Variants in HCRTR2 observed in about 807,000 individuals in gnomAD.
HCRTR2 encodes orexin receptor type 2.
A neutral mutation model predicts 49.0 loss-of-function variants in HCRTR2; 22 were observed. That is an observed-to-expected ratio of 0.45 (90% CI 0.32 to 0.64). HCRTR2 has a LOEUF of 0.64. Ranked by LOEUF, HCRTR2 falls within the 30% of genes least tolerant of loss-of-function variation. The pLI, the probability that HCRTR2 is intolerant of heterozygous loss-of-function variation, is 0.04. For missense variants in HCRTR2, 491 were observed against 559.4 expected (o/e 0.88, Z 1.23); for synonymous variants, 236 against 205.3 (o/e 1.15, Z -1.28).
At chr6:55,183,815 G>A (rs1019729373) in intron 1 of HCRTR2, among the ~76,000 whole-genome samples, 1 of 152,092 alleles carries the variant, frequency 6.6e-6, no homozygotes, top group African/African-American at 2.4e-5. Context: ...AACATAAAGT[G>A]AGAAAACGAA....
chr6:55,123,267 T>A (rs1292123527), intron 1 of HCRTR2, among the ~76,000 whole-genome samples: 1 of 152,118 alleles, frequency 6.6e-6, no homozygotes, highest in Non-Finnish European at 1.5e-5. Context: ...TGTAGGTTTG[T>A]CATAAATAGC....
At chr6:55,153,997 A>G (rs748180906) in intron 1 of HCRTR2, among the ~76,000 whole-genome samples, 36 of 151,952 alleles carry the variant, frequency 2.4e-4, no homozygotes, top group Non-Finnish European at 4.6e-4. Context: ...ATTATGAACA[A>G]CTATACACCA....
chr6:55,168,949 A>G (rs184722767), intron 1 of HCRTR2, among the ~76,000 whole-genome samples: 1 of 151,300 alleles, frequency 6.6e-6, no homozygotes, highest in Admixed American at 6.6e-5. Flanking sequence ...TCTGGCACCA[A>G]CTCCCTCTCT....
chr6:55,211,058 G>A (rs903344588), intron 1 of HCRTR2, among the ~76,000 whole-genome samples: 5 of 152,072 alleles, frequency 3.3e-5, no homozygotes, highest in African/African-American at 1.2e-4. Context: ...ACAGTGTTCA[G>A]TACAGTTACA....
chr6:55,280,598 A>G, intron 6 of HCRTR2, 154 bp downstream of exon 6: 2 of 462,912 alleles, frequency 4.3e-6, no homozygotes, highest in South Asian at 1.8e-4. Flanking sequence ...TTTGAGGCAA[A>G]GTATTTGTTA....
Position 55,255,318 on chromosome 6 carries a change from C to T in HCRTR2, c.585C>T (p.Thr195=), listed in dbSNP as rs576784859. The T allele has an allele frequency of 9.5e-5, 154 of 1,613,956 alleles. No individual in the cohort carries two copies. In the South Asian group the frequency reaches 1.3e-3, roughly 14 times the overall value. The change falls in exon 3 of 7, where the codon ACC becomes ACT. Residue 195 remains threonine, a synonymous_variant. Transcript: ENST00000370862. ...IPQAIVMECS[T]VFPGLANKTT... is the part of the protein sequence containing the mutation. ...AGGCCATCGTCATGGAGTGCAGCAC[C>T]GTGTTCCCAGGCTTAGCCAATAAAA...
chr6:55,234,063 A>C (rs1766168035), intron 1 of HCRTR2, among the ~76,000 whole-genome samples: 2 of 152,178 alleles, frequency 1.3e-5, no homozygotes, highest in Admixed American at 1.3e-4. Context: ...TGTTGTTTTC[A>C]GCCTTCATCT....
intron 1 of HCRTR2, among the ~76,000 whole-genome samples, chr6:55,195,843 C>T (rs1248050341): frequency 6.6e-6 from 1 of 151,918 alleles, no homozygotes; most frequent in African/African-American, 2.4e-5. Context: ...TGGTGGGTGC[C>T]TGTAGTCCCA....
upstream of HCRTR2, among the ~76,000 whole-genome samples, chr6:55,169,882 G>C (rs115798726): frequency 4.9e-3 from 746 of 151,926 alleles, 10 homozygotes; most frequent in African/African-American, 0.017. Context: ...TTATACCCCA[G>C]CTCCTAGCCG....
chr6:55,138,043 A>T (rs375281699), intron 1 of HCRTR2, among the ~76,000 whole-genome samples: 1 of 152,176 alleles, frequency 6.6e-6, no homozygotes, highest in African/African-American at 2.4e-5. Context: ...ACTGCATTTA[A>T]TGTGCCAGCA....
intron 1 of HCRTR2, among the ~76,000 whole-genome samples, chr6:55,145,330 G>A (rs1376196639): frequency 6.6e-6 from 1 of 151,414 alleles, no homozygotes; most frequent in African/African-American, 2.4e-5. Flanking sequence ...CTCATTCCAC[G>A]TATCCACGGA....
Position 55,263,697 on chromosome 6 carries a change from T to C in HCRTR2, c.647-10T>C. 1 of 1,507,576 alleles carries C rather than the reference T, an allele frequency of 6.6e-7. No homozygotes were observed. The highest frequency in any genetic ancestry group is 1.1e-5 in the South Asian group (1 of 88,826). 93.4% of individuals were successfully genotyped at this position (1,507,576 alleles called of 1,614,324 possible). On this transcript the variant is annotated splice_polypyrimidine_tract_variant and intron_variant, in intron 3 of 6. Transcript: ENST00000370862. The stretch of plus-strand genomic sequence containing the variant: ...AACGTAAGGTTTTGTTGTTTTGACT[T>C]TCATCCTAGGTGAAATTTATCCCAA...
At chr6:55,284,346 CCATCGG>C (rs1300908427), downstream of HCRTR2, among the ~76,000 whole-genome samples, 1 of 152,156 alleles carries the variant, frequency 6.6e-6, no homozygotes, top group Non-Finnish European at 1.5e-5. Context: ...GGTTTCTATA[CCATCGG>C]CATCAGCATC....
intron 1 of HCRTR2, among the ~76,000 whole-genome samples, chr6:55,122,332 T>C (rs886419946): frequency 2.6e-5 from 4 of 152,030 alleles, no homozygotes; most frequent in African/African-American, 9.7e-5. Flanking sequence ...TTTTTTATTG[T>C]GTCTATTTGA....
chr6:55,257,015 A>C (rs946206289), intron 3 of HCRTR2, among the ~76,000 whole-genome samples: 2 of 152,166 alleles, frequency 1.3e-5, no homozygotes, highest in Non-Finnish European at 2.9e-5. Context: ...TTCCAGCAGA[A>C]CATTAAAGAT....
At chr6:55,253,193 A>AGC (rs932379102) in intron 2 of HCRTR2, among the ~76,000 whole-genome samples, 4 of 135,328 alleles carry the variant, frequency 3.0e-5, no homozygotes, top group African/African-American at 1.1e-4. Flanking sequence ...TACTTCATTT[A>AGC]GCACACACAC....
chr6:55,254,976 A>T (rs1041076926), intron 2 of HCRTR2, among the ~76,000 whole-genome samples, 160 bp from the exon 3 acceptor site: 9 of 152,124 alleles, frequency 5.9e-5, no homozygotes, highest in African/African-American at 2.2e-4. Flanking sequence ...TTGTGATATA[A>T]TTTCTTTTTA....
intron 1 of HCRTR2, among the ~76,000 whole-genome samples, chr6:55,201,553 C>T (rs184204032): frequency 7.2e-4 from 109 of 151,994 alleles, no homozygotes; most frequent in African/African-American, 2.5e-3. Context: ...ATTCTTTTTG[C>T]TCATTTATAA....
At chr6:55,170,960 T>G (rs1217985306), upstream of HCRTR2, among the ~76,000 whole-genome samples, 1 of 152,096 alleles carries the variant, frequency 6.6e-6, no homozygotes, top group Non-Finnish European at 1.5e-5. Flanking sequence ...ATGTGCCATA[T>G]TTTCTTAATC....
Sources: allele counts gnomAD v4.1 joint callset (sites outside exome capture counted in the v4.1 genomes callset), GRCh38; gene constraint gnomAD v4.1.1; transcripts MANE v1.5; gene names NCBI Gene and HGNC (gene_info 2026-07-23, HGNC 2026-07-21).